ADAMTS2: variants seen among roughly 807,000 people sequenced by gnomAD.
The protein encoded by ADAMTS2 is ADAM metallopeptidase with thrombospondin type 1 motif 2.
ADAMTS2 carries 50 observed loss-of-function variants against 123.0 expected under a neutral mutation model. The observed-to-expected ratio is 0.41, with a 90% CI of 0.32 to 0.51. The LOEUF (loss-of-function observed/expected upper bound fraction) is 0.51. Among genes scored for constraint, ADAMTS2 ranks in the 20% least tolerant of loss-of-function variants. The pLI, the probability that ADAMTS2 is intolerant of heterozygous loss-of-function variation, is 0.35. For missense variants in ADAMTS2, 1,494 were observed against 1,705.2 expected, an observed-to-expected ratio of 0.88 and a Z score of 2.18; for synonymous variants, 678 against 695.4, an observed-to-expected ratio of 0.98 and a Z score of 0.39.
intron 2 of ADAMTS2, among the ~76,000 whole-genome samples, chr5:179,330,726 C>A (rs1047702757): frequency 1.3e-5 from 2 of 152,346 alleles, no homozygotes; most frequent in South Asian, 4.1e-4. Flanking sequence ...TCCCAGCAGC[C>A]CTGCTCATCG....
At position 179,197,913 on chromosome 5, in the gene ADAMTS2, G is replaced by A. The variant is rs1326216438; in HGVS notation, c.891+9600C>T. On this transcript the variant is annotated intron_variant, in intron 4 of 21. Transcript: ENST00000251582. The surrounding 1 kb of genome is among the most constrained non-coding windows in gnomAD (Gnocchi z 4.2). The stretch of plus-strand genomic sequence containing the variant: ...AGGCCCAAGCCCACTCTTTAGGGGT[G>A]CCCAGGCCCACACACATGGCCACAG... Among the ~76,000 whole-genome samples the A allele has an allele frequency of 2.0e-5, 3 of 152,174 alleles. No homozygotes were observed. The highest frequency in any genetic ancestry group is 1.9e-4 in the East Asian group (1 of 5,196).
intron 21 of ADAMTS2, chr5:179,121,319 A>G (rs1180990314): frequency 5.7e-6 from 1 of 174,854 alleles, no homozygotes; most frequent in African/African-American, 2.4e-5. Flanking sequence ...TCCCCGCACG[A>G]CGCCGCGAGA....
chr5:179,233,674 G>A (rs1181659621), intron 3 of ADAMTS2, among the ~76,000 whole-genome samples: 1 of 152,198 alleles, frequency 6.6e-6, no homozygotes, highest in Non-Finnish European at 1.5e-5. Context: ...GTGATAGAGT[G>A]AGACTCCGTT....
Position 179,124,993 on chromosome 5 carries a change from G to A in ADAMTS2, c.2938C>T (p.Arg980Ter), listed in dbSNP as rs1171795845. Residue 980 changes from arginine to a stop codon, truncating the protein, a stop_gained, in exon 19 of 22, where the codon CGA becomes TGA. Coordinates refer to ENST00000251582, the MANE Select transcript of ADAMTS2 (RefSeq NM_014244.5). LOFTEE classifies it high-confidence loss of function. ...CGTACCTGGGACCAGGGCCCGGCTC[G>A]CCAACGACCAGGGCAGAGCTCGCGG... ...CSRELCPGRW[R>*]AGPWSQCSVT... 4.4e-6 allele frequency: 7 copies of A among 1,605,332 alleles called. No individual in the cohort carries two copies. Among genetic ancestry groups the A allele is most frequent in the Admixed American group, 1.7e-5 (1 of 58,244 alleles).
chr5:179,334,241 C>T (rs771794324), intron 2 of ADAMTS2, among the ~76,000 whole-genome samples: 9 of 152,162 alleles, frequency 5.9e-5, no homozygotes, highest in Non-Finnish European at 1.0e-4. Flanking sequence ...CCACCTTCTG[C>T]AGGAAGGCTG....
chr5:179,225,660 C>T lies in ADAMTS2; in HGVS notation c.689-17945G>A, dbSNP rs563388722. 3.9e-5 allele frequency among the ~76,000 whole-genome samples: 6 copies of T among 152,294 alleles called. No homozygotes were observed. The highest frequency in any genetic ancestry group is 3.4e-3 in the Middle Eastern group (1 of 294). On this transcript the variant is annotated intron_variant, in intron 3 of 21. Coordinates refer to ENST00000251582, the MANE Select transcript of ADAMTS2 (RefSeq NM_014244.5). The surrounding 1 kb of genome is among the most constrained non-coding windows in gnomAD (Gnocchi z 4.5). Reference sequence around the variant, plus strand: ...AGGCCACCGACCGGCAGAAGCAGAACGACACGGAGTTTGGCCGGGGCAGTC... The same window carrying T: ...AGGCCACCGACCGGCAGAAGCAGAATGACACGGAGTTTGGCCGGGGCAGTC...
chr5:179,154,498 C>T (rs1419578023), intron 7 of ADAMTS2, among the ~76,000 whole-genome samples: 1 of 152,226 alleles, frequency 6.6e-6, no homozygotes, highest in Non-Finnish European at 1.5e-5. Context: ...TCCAAACCTC[C>T]GAGCCTCCTC....
At chr5:179,247,416 A>G (rs1338359962) in intron 3 of ADAMTS2, among the ~76,000 whole-genome samples, 3 of 152,118 alleles carry the variant, frequency 2.0e-5, no homozygotes, top group African/African-American at 4.8e-5. Flanking sequence ...AAAAAATGAG[A>G]GTTCAAGAAA....
chr5:179,274,969 C>T (rs2113517341), intron 2 of ADAMTS2, among the ~76,000 whole-genome samples: 2 of 152,342 alleles, frequency 1.3e-5, no homozygotes, highest in African/African-American at 4.8e-5. Context: ...AGGACCAGTG[C>T]TCCATATGGG....
intron 2 of ADAMTS2, among the ~76,000 whole-genome samples, chr5:179,327,276 G>A (rs1194472173): frequency 1.3e-5 from 2 of 152,192 alleles, no homozygotes; most frequent in African/African-American, 2.4e-5. Context: ...ATCTCATTGT[G>A]AAGGGTAAGG....
chr5:179,253,018 C>T (rs1050642920), intron 3 of ADAMTS2, among the ~76,000 whole-genome samples: 2 of 152,222 alleles, frequency 1.3e-5, no homozygotes, highest in Non-Finnish European at 2.9e-5. Context: ...TCCCCAGCAG[C>T]GTCTCCTGTC....
chr5:179,228,595 C>CT lies in ADAMTS2; in HGVS notation c.689-20881dup, dbSNP rs1765340629. Among the ~76,000 whole-genome samples the CT allele has an allele frequency of 6.6e-6, 1 of 152,264 alleles. No homozygotes were observed. The highest frequency in any genetic ancestry group is 6.5e-5 in the Admixed American group (1 of 15,288). ...CCTTGCCTCCTGCCTGATGCAGTCT[C>CT]TCGGCAGCAAGGCAGGTGCCCTGAG... On this transcript the variant is annotated intron_variant, in intron 3 of 21. Transcript: ENST00000251582. This position sits in a 1 kb window ranked among gnomAD's most constrained non-coding sequence, Gnocchi z 5.2.
Position 179,136,062 on chromosome 5 carries a change from G to C in ADAMTS2, c.1952-20C>G. On this transcript the variant is annotated intron_variant, in intron 12 of 21. Coordinates refer to ENST00000251582, the MANE Select transcript of ADAMTS2 (RefSeq NM_014244.5). ...CCTTGGCTGGAAGGGAAGCAGCTGGGGGTCTGCAAGGAGCCCTGATGGCTT... is the reference window on the plus strand; with the variant it reads ...CCTTGGCTGGAAGGGAAGCAGCTGGCGGTCTGCAAGGAGCCCTGATGGCTT... The C allele has an allele frequency of 6.2e-7, 1 of 1,612,946 alleles. No individual in the cohort carries two copies. Among genetic ancestry groups the C allele is most frequent in the African/African-American group, 1.3e-5 (1 of 75,028 alleles).
At position 179,257,736 on chromosome 5, in the gene ADAMTS2, T is replaced by C. The variant is rs529192552; in HGVS notation, c.688+15175A>G. Among the ~76,000 whole-genome samples, 8 of 152,282 alleles carry C rather than the reference T, an allele frequency of 5.3e-5. No individual in the cohort carries two copies. In the East Asian group the frequency reaches 1.4e-3, roughly 26 times the overall value. Reference sequence around the variant, plus strand: ...GTACATTTCAACTCCGAGGCAGCCCTGGCCACATCCAAGAAGCTCGGTCCT... The same window carrying C: ...GTACATTTCAACTCCGAGGCAGCCCCGGCCACATCCAAGAAGCTCGGTCCT... On this transcript the variant is annotated intron_variant, in intron 3 of 21. Transcript: ENST00000251582.
At chr5:179,279,867 A>G (rs1766841808) in intron 2 of ADAMTS2, among the ~76,000 whole-genome samples, 1 of 152,218 alleles carries the variant, frequency 6.6e-6, no homozygotes, top group African/African-American at 2.4e-5. Context: ...CACTTTTCCA[A>G]AAGGGACGCC....
chr5:179,259,573 C>A (rs1766159694), intron 3 of ADAMTS2, among the ~76,000 whole-genome samples: 1 of 152,236 alleles, frequency 6.6e-6, no homozygotes, highest in South Asian at 2.1e-4. Context: ...CCGACGGCAT[C>A]CCCAGGGCAG....
Position 179,132,968 on chromosome 5 carries a change from C to T in ADAMTS2, c.2086-68G>A, listed in dbSNP as rs1196468733. On this transcript the variant is annotated intron_variant, in intron 13 of 21. Transcript: ENST00000251582. The surrounding 1 kb of genome is among the most constrained non-coding windows in gnomAD (Gnocchi z 6.1). Reference sequence around the variant, plus strand: ...GTAGAGTCAGGGTCATACTATGTTGCCCCCAGTCTCGAACACCTGGCCTCA... The same window carrying T: ...GTAGAGTCAGGGTCATACTATGTTGTCCCCAGTCTCGAACACCTGGCCTCA... 30 of 1,570,988 alleles carry T rather than the reference C, an allele frequency of 1.9e-5. No individual in the cohort carries two copies. The highest frequency in any genetic ancestry group is 2.6e-5 in the Non-Finnish European group (30 of 1,158,786).
chr5:179,125,975 G>A (rs1388801786), intron 18 of ADAMTS2, 23 bp downstream of exon 18: 4 of 1,613,080 alleles, frequency 2.5e-6, no homozygotes, highest in Non-Finnish European at 3.4e-6. Flanking sequence ...CCTCTAGTGG[G>A]AGCCCGAGCT....
At chr5:179,232,155 C>T (rs944237683) in intron 3 of ADAMTS2, among the ~76,000 whole-genome samples, 3 of 152,182 alleles carry the variant, frequency 2.0e-5, no homozygotes, top group Non-Finnish European at 4.4e-5. Context: ...GGTGCCCTCT[C>T]GACACTTGGT....
Sources: gnomAD v4.1 joint callset for allele counts (sites outside exome capture counted in the v4.1 genomes callset) on GRCh38, gnomAD v4.1.1 for gene constraint, Gnocchi (gnomAD v3.1) non-coding constraint, MANE v1.5 for transcripts, NCBI Gene and HGNC (gene_info 2026-07-23, HGNC 2026-07-21) for gene names.